UVRAG: variants seen among roughly 807,000 people sequenced by gnomAD.
UVRAG encodes UV radiation resistance associated, also known as UV radiation resistance-associated gene protein.
Under a neutral mutation model 78.0 loss-of-function variants are expected in UVRAG, and 19 were observed. That is an observed-to-expected ratio of 0.24 (90% CI 0.17 to 0.36). The LOEUF (loss-of-function observed/expected upper bound fraction) is 0.36. Among genes scored for constraint, UVRAG ranks in the 10% least tolerant of loss-of-function variants. The pLI is 1.00. For synonymous variants in UVRAG, 323 were observed against 324.6 expected (o/e 1.00, Z 0.05); for missense variants, 740 against 853.8 (o/e 0.87, Z 1.66).
At chr11:76,073,707 T>C (rs912182798) in intron 13 of UVRAG, among the ~76,000 whole-genome samples, 1 of 152,206 alleles carries the variant, frequency 6.6e-6, no homozygotes, top group African/African-American at 2.4e-5. Flanking sequence ...TGGATTTTAA[T>C]GTAAAAGAGT....
intron 6 of UVRAG, among the ~76,000 whole-genome samples, chr11:75,945,557 A>G (rs77528252): frequency 0.018 from 2,690 of 152,106 alleles, 72 homozygotes; most frequent in African/African-American, 0.061. Context: ...TTTTGTACCT[A>G]CAGGTGCCTG....
At chr11:75,910,596 T>C (rs1345588786) in intron 5 of UVRAG, among the ~76,000 whole-genome samples, 2 of 150,988 alleles carry the variant, frequency 1.3e-5, no homozygotes, top group Non-Finnish European at 2.9e-5. Context: ...AGTGCAGTGG[T>C]GTGACCGCCA....
At chr11:75,966,393 TG>T (rs1383973149) in intron 7 of UVRAG, among the ~76,000 whole-genome samples, 1 of 152,142 alleles carries the variant, frequency 6.6e-6, no homozygotes, top group Non-Finnish European at 1.5e-5. Flanking sequence ...TATGGTAGCC[TG>T]GTAAAATTAG....
intron 14 of UVRAG, among the ~76,000 whole-genome samples, chr11:76,122,708 A>G (rs1336756604): frequency 6.6e-6 from 1 of 152,160 alleles, no homozygotes; most frequent in Non-Finnish European, 1.5e-5. Flanking sequence ...TTGTACATTA[A>G]TGGTACGGAA....
chr11:75,962,243 A>G (rs1184094946), intron 7 of UVRAG, among the ~76,000 whole-genome samples: 1 of 152,112 alleles, frequency 6.6e-6, no homozygotes, highest in African/African-American at 2.4e-5. Context: ...TAAGTTCTAG[A>G]TAAAATTATT....
chr11:75,897,990 T>G (rs1411942148), intron 5 of UVRAG, among the ~76,000 whole-genome samples: 1 of 148,564 alleles, frequency 6.7e-6, no homozygotes, highest in Non-Finnish European at 1.5e-5. Flanking sequence ...TCTCTCAGCC[T>G]CCCGAGTGGC....
intron 13 of UVRAG, among the ~76,000 whole-genome samples, chr11:76,081,517 T>G (rs1246534887): frequency 2.0e-5 from 3 of 152,118 alleles, no homozygotes; most frequent in Non-Finnish European, 4.4e-5. Flanking sequence ...GCCAAGTTAG[T>G]CTCTAATTTT....
At chr11:75,906,373 G>A (rs574918340) in intron 5 of UVRAG, among the ~76,000 whole-genome samples, 1 of 150,526 alleles carries the variant, frequency 6.6e-6, no homozygotes, top group Admixed American at 6.6e-5. Flanking sequence ...TGGAGATAGA[G>A]TCTCACTCTG....
chr11:75,959,655 G>A (rs1948872610), intron 6 of UVRAG, among the ~76,000 whole-genome samples: 1 of 152,212 alleles, frequency 6.6e-6, no homozygotes, highest in Non-Finnish European at 1.5e-5. Context: ...GTTCACTGGA[G>A]TAGCACTTTT....
Position 76,007,630 on chromosome 11 carries a change from CA to C in UVRAG, c.999+12del, listed in dbSNP as rs1413849661. 6.2e-7 allele frequency: 1 copy of C among 1,604,472 alleles called. No homozygotes were observed. Among genetic ancestry groups the C allele is most frequent in the Non-Finnish European group, 8.5e-7 (1 of 1,175,852 alleles). ...TTTACCCTATTGATTTGGTAAGTTTCAAATTTTCTGAAAATATTTTTCGTTT... is the reference window on the plus strand; with the variant it reads ...TTTACCCTATTGATTTGGTAAGTTTCAATTTTCTGAAAATATTTTTCGTTT... On this transcript the variant is annotated intron_variant, in intron 10 of 14. Transcript: ENST00000356136.
intron 1 of UVRAG, among the ~76,000 whole-genome samples, chr11:75,846,077 A>G (rs1946027268): frequency 6.6e-6 from 1 of 152,238 alleles, no homozygotes; most frequent in African/African-American, 2.4e-5. Context: ...AAATATCTGT[A>G]GCTGGACCAT....
chr11:75,861,028 A>G (rs916021888), intron 2 of UVRAG, among the ~76,000 whole-genome samples: 20 of 152,182 alleles, frequency 1.3e-4, no homozygotes, highest in Non-Finnish European at 2.4e-4. Context: ...CAGGATAAGC[A>G]GAGGGAATAT....
chr11:75,922,939 A>G (rs1435650203), intron 6 of UVRAG, among the ~76,000 whole-genome samples: 4 of 143,368 alleles, frequency 2.8e-5, no homozygotes, highest in Admixed American at 2.8e-4. Flanking sequence ...ATCTGAAAGG[A>G]AAAAAAAAAA....
chr11:75,950,347 G>C (rs946667193), intron 6 of UVRAG, among the ~76,000 whole-genome samples: 1 of 152,170 alleles, frequency 6.6e-6, no homozygotes, highest in African/African-American at 2.4e-5. Flanking sequence ...GTAACCTCAA[G>C]CTCCTGAACT....
Position 75,911,982 on chromosome 11 carries a change from T to G in UVRAG, c.536T>G (p.Leu179Arg). The G allele has an allele frequency of 3.1e-6, 5 of 1,613,494 alleles. No individual in the cohort carries two copies. Among genetic ancestry groups the G allele is most frequent in the Non-Finnish European group, 4.2e-6 (5 of 1,179,656 alleles). Residue 179 changes from leucine (L) to arginine (R), a missense_variant, in exon 6 of 15, where the codon CTT (leucine) becomes CGT (arginine). Transcript: ENST00000356136. Reference protein sequence around the residue: ...KGYSNAQKTILLQVDQNCVRN... With the variant: ...KGYSNAQKTIRLQVDQNCVRN... ...TATTCAAATGCTCAGAAGACTATTC[T>G]TCTGCAGGTGGATCAGAACTGTGTT...
At chr11:76,080,652 A>G (rs1443822510) in intron 13 of UVRAG, among the ~76,000 whole-genome samples, 7 of 152,208 alleles carry the variant, frequency 4.6e-5, no homozygotes, top group Non-Finnish European at 1.0e-4. Context: ...CGTTCAAATT[A>G]TAGAATATTC....
In UVRAG at chr11:75,815,328, G is replaced by C. The variant is rs888653583; in HGVS notation, c.-80G>C. On this transcript the variant is annotated 5_prime_UTR_variant, in exon 1 of 15. Transcript: ENST00000356136. ...GGTGGCGGGTTTCTAGGCTGCAGGG[G>C]CTTGGTAGGTGGTGGCAAGGGGGCG... is the stretch of plus-strand genomic sequence containing the variant. The C allele has an allele frequency of 1.3e-6, 1 of 742,746 alleles. No homozygotes were observed. Among genetic ancestry groups the C allele is most frequent in the African/African-American group, 1.8e-5 (1 of 55,036 alleles). 46.0% of individuals were successfully genotyped at this position (742,746 alleles called of 1,614,324 possible). A position where few individuals can be genotyped will look rare whatever the true frequency, so the allele number is the denominator to read the frequency against.
chr11:76,005,216 G>T (rs541859658), intron 9 of UVRAG, among the ~76,000 whole-genome samples: 2 of 152,226 alleles, frequency 1.3e-5, no homozygotes, highest in Non-Finnish European at 2.9e-5. Flanking sequence ...GGTGGCGGAT[G>T]CCTATAGTCC....
chr11:75,975,851 C>G (rs1387097726), intron 7 of UVRAG, among the ~76,000 whole-genome samples: 1 of 152,110 alleles, frequency 6.6e-6, no homozygotes, highest in Non-Finnish European at 1.5e-5. Flanking sequence ...AATTGAATAC[C>G]CTTTGTTTCT....
Sources: allele counts gnomAD v4.1 joint callset (sites outside exome capture counted in the v4.1 genomes callset), GRCh38; gene constraint gnomAD v4.1.1; transcripts MANE v1.5; gene names NCBI Gene and HGNC (gene_info 2026-07-23, HGNC 2026-07-21).